The following CD48 variants were observed in gnomAD, a reference collection of about 807,000 sequenced individuals.
The protein encoded by CD48 is CD48 molecule.
A neutral mutation model predicts 22.0 loss-of-function variants in CD48; 20 were observed. That is an observed-to-expected ratio of 0.91 (90% CI 0.64 to 1.32). The LOEUF is 1.32. Among genes scored for constraint, CD48 ranks in the 40% most tolerant of loss-of-function variants. The pLI, the probability that CD48 is intolerant of heterozygous loss-of-function variation, is 0.00. For synonymous variants in CD48, 110 were observed against 110.1 expected, an observed-to-expected ratio of 1.00 and a Z score of 0.01; for missense variants, 307 against 286.5, an observed-to-expected ratio of 1.07 and a Z score of -0.52.
chr1:160,703,605 C>T (rs575147097), intron 1 of CD48, among the ~76,000 whole-genome samples: 2 of 152,236 alleles, frequency 1.3e-5, no homozygotes, highest in East Asian at 1.9e-4. Context: ...GGTGAAAAAA[C>T]GTAAGCAATC....
In CD48 at chr1:160,691,333, C is replaced by T. The variant is rs1019051155; in HGVS notation, c.83-6144G>A. Among the ~76,000 whole-genome samples, 6 of 152,202 alleles carry T rather than the reference C, an allele frequency of 3.9e-5. No homozygotes were observed. In the East Asian group the frequency reaches 7.7e-4, roughly 20 times the overall value. On this transcript the variant is annotated intron_variant, in intron 1 of 3. Coordinates refer to ENST00000368046, the MANE Select transcript of CD48 (RefSeq NM_001778.4). ...TGTCTCGGTATAAAACCCGATTGTA[C>T]GTTCCACCTACTGAGATAGGGAGAA... is the stretch of plus-strand genomic sequence containing the variant.
intron 1 of CD48, among the ~76,000 whole-genome samples, chr1:160,703,210 C>T (rs1341695866): frequency 1.3e-5 from 2 of 152,194 alleles, no homozygotes; most frequent in East Asian, 1.9e-4. Context: ...GTATGGAATA[C>T]GGAATTGTAA....
intron 1 of CD48, among the ~76,000 whole-genome samples, chr1:160,711,044 C>A (rs1029188389): frequency 7.2e-5 from 11 of 152,148 alleles, no homozygotes; most frequent in Admixed American, 5.9e-4. Flanking sequence ...GTTAGCTCAG[C>A]CCTTGGTCAC....
chr1:160,680,632 G>A, intron 3 of CD48: 1 of 1,009,132 alleles, frequency 9.9e-7, no homozygotes, highest in Non-Finnish European at 1.2e-6. Context: ...AGGAGACAGG[G>A]GAATCTGGCT....
At chr1:160,688,871 G>C (rs1368409724) in intron 1 of CD48, among the ~76,000 whole-genome samples, 1 of 152,106 alleles carries the variant, frequency 6.6e-6, no homozygotes. Context: ...CCTTCCACTA[G>C]AGGAGCAATT....
intron 2 of CD48, among the ~76,000 whole-genome samples, chr1:160,682,638 G>C (rs1463094170): frequency 6.6e-6 from 1 of 152,072 alleles, no homozygotes; most frequent in Non-Finnish European, 1.5e-5. Flanking sequence ...ATTAGGCAAG[G>C]TAGTTAACCC....
intron 3 of CD48, among the ~76,000 whole-genome samples, chr1:160,679,421 C>T (rs552222029): frequency 6.6e-6 from 1 of 152,294 alleles, no homozygotes; most frequent in South Asian, 2.1e-4. Flanking sequence ...CTACTCTGGA[C>T]ATCAACGAGG....
chr1:160,689,697 C>T (rs777165254), intron 1 of CD48, among the ~76,000 whole-genome samples: 6 of 152,154 alleles, frequency 3.9e-5, no homozygotes, highest in Admixed American at 1.3e-4. Flanking sequence ...GATCTCACCA[C>T]GTCTGAAGGC....
chr1:160,710,676 C>A (rs1662922422), intron 1 of CD48, among the ~76,000 whole-genome samples: 1 of 152,164 alleles, frequency 6.6e-6, no homozygotes, highest in African/African-American at 2.4e-5. Flanking sequence ...ATGTCCTATG[C>A]ATTGAGTCAG....
At chr1:160,684,643 C>A in intron 2 of CD48, 3 of 1,267,918 alleles carry the variant, frequency 2.4e-6, no homozygotes, top group Non-Finnish European at 3.2e-6. Flanking sequence ...AGTTTTCCTT[C>A]TCTTCAAAGC....
intron 1 of CD48, chr1:160,686,545 A>C (rs527391311): frequency 6.6e-6 from 1 of 152,348 alleles, no homozygotes; most frequent in African/African-American, 2.4e-5. Flanking sequence ...TACATCAATG[A>C]ACTAAGCAGC....
Position 160,681,284 on chromosome 1 carries a change from G to A in CD48, c.570C>T (p.Tyr190=). The A allele has an allele frequency of 1.2e-6, 2 of 1,614,220 alleles. No homozygotes were observed. Among genetic ancestry groups the A allele is most frequent in the South Asian group, 1.1e-5 (1 of 91,084 alleles). Residue 190 remains tyrosine (Y), a synonymous_variant, in exon 3 of 4, where the codon TAC becomes TAT. Coordinates refer to ENST00000368046, the MANE Select transcript of CD48 (RefSeq NM_001778.4). ...VLETTLMPHN[Y]SRCYTCQVSN... ...TGACTTGGCAAGTATAACACCTGGA[G>A]TAATTATGTGGCATAAGGGTGGTTT...
chr1:160,707,056 A>T (rs1326524239), intron 1 of CD48, among the ~76,000 whole-genome samples: 1 of 152,224 alleles, frequency 6.6e-6, no homozygotes, highest in Non-Finnish European at 1.5e-5. Flanking sequence ...CTCTCATAAG[A>T]TTAAATATTT....
chr1:160,711,614 C>T (rs897973247), intron 1 of CD48, 68 bp downstream of exon 1: 11 of 1,197,090 alleles, frequency 9.2e-6, no homozygotes, highest in African/African-American at 7.5e-5. Flanking sequence ...AACTACATCC[C>T]GTCTCCCCTT....
intron 1 of CD48, among the ~76,000 whole-genome samples, chr1:160,702,812 G>A (rs1362802048): frequency 1.3e-5 from 2 of 152,128 alleles, no homozygotes; most frequent in African/African-American, 4.8e-5. Flanking sequence ...TCGTGATCAG[G>A]TAAATTTTGC....
At chr1:160,706,656 G>T (rs187753319) in intron 1 of CD48, among the ~76,000 whole-genome samples, 1 of 152,242 alleles carries the variant, frequency 6.6e-6, no homozygotes, top group East Asian at 1.9e-4. Context: ...CTGGATGATT[G>T]GGATAAAGTA....
chr1:160,679,684 G>A lies in CD48; in HGVS notation c.653-553C>T, dbSNP rs115070756. On this transcript the variant is annotated intron_variant, in intron 3 of 3. Coordinates refer to ENST00000368046, the MANE Select transcript of CD48 (RefSeq NM_001778.4). ...AAAAAAGGAATGAGTGATACAGTAG[G>A]GAAAGGAGTTTGAGGGGGCTTTCTA... is the stretch of plus-strand genomic sequence containing the variant. Among the ~76,000 whole-genome samples the A allele has an allele frequency of 1.3e-3, 201 of 152,284 alleles. 1 individual carries two copies. Among genetic ancestry groups the A allele is most frequent in the African/African-American group, 4.7e-3 (195 of 41,546 alleles).
intron 1 of CD48, among the ~76,000 whole-genome samples, chr1:160,706,457 T>A (rs138535361): frequency 6.6e-4 from 100 of 152,276 alleles, no homozygotes; most frequent in African/African-American, 2.2e-3. Context: ...CACCCATGTG[T>A]AACAATTCCA....
intron 3 of CD48, 92 bp downstream of exon 3, chr1:160,681,110 G>A: frequency 3.8e-6 from 6 of 1,596,546 alleles, no homozygotes; most frequent in Non-Finnish European, 5.1e-6. Context: ...ACCACACTGT[G>A]CAAGGAGGCT....
Sources: allele counts gnomAD v4.1 joint callset (sites outside exome capture counted in the v4.1 genomes callset), GRCh38; gene constraint gnomAD v4.1.1; transcripts MANE v1.5; gene names NCBI Gene and HGNC (gene_info 2026-07-23, HGNC 2026-07-21).